Variants in TP63 observed in about 807,000 individuals in gnomAD.
The protein encoded by TP63 is tumor protein 63.
A neutral mutation model predicts 82.8 loss-of-function variants in TP63; 17 were observed. That is an observed-to-expected ratio of 0.21 (90% CI 0.14 to 0.31). The LOEUF (loss-of-function observed/expected upper bound fraction) is 0.31, where lower values mean the gene tolerates loss of function less well. TP63 is among the 10% of genes least tolerant of loss of function. The pLI is 1.00. For synonymous variants in TP63, 330 were observed against 321.7 expected, an observed-to-expected ratio of 1.03 and a Z score of -0.28; for missense variants, 648 against 895.3, an observed-to-expected ratio of 0.72 and a Z score of 3.52.
At chr3:189,869,482 C>G in intron 9 of TP63, 76 bp downstream of exon 9, 2 of 1,341,044 alleles carry the variant, frequency 1.5e-6, no homozygotes, top group Non-Finnish European at 2.1e-6. Flanking sequence ...TGATCATCAT[C>G]TCATTATCTG....
intron 1 of TP63, among the ~76,000 whole-genome samples, chr3:189,651,587 G>T (rs1183190333): frequency 6.9e-6 from 1 of 145,796 alleles, no homozygotes; most frequent in African/African-American, 2.6e-5. Flanking sequence ...ACCCATTTTG[G>T]GGGGAGAAAT....
Position 189,896,290 on chromosome 3 carries a change from T to G in TP63, c.*1788T>G. 4.6e-6 allele frequency: 1 copy of G among 215,614 alleles called. No homozygotes were observed. 13.4% of individuals were successfully genotyped at this position (215,614 alleles called of 1,614,324 possible). A position where few individuals can be genotyped will look rare whatever the true frequency, so the allele number is the denominator to read the frequency against. ...TTGCATACTTTGTATTTTGATTATTTTTTTTTTCTTCTTGGGATAGTGGGA... is the reference window on the plus strand; with the variant it reads ...TTGCATACTTTGTATTTTGATTATTGTTTTTTTCTTCTTGGGATAGTGGGA... On this transcript the variant is annotated 3_prime_UTR_variant, in exon 14 of 14. Transcript: ENST00000264731.
chr3:189,671,514 T>C (rs1236355214), intron 1 of TP63, among the ~76,000 whole-genome samples: 2 of 152,090 alleles, frequency 1.3e-5, no homozygotes, highest in Non-Finnish European at 2.9e-5. Flanking sequence ...AACTATCATA[T>C]GATCTAGTAA....
chr3:189,874,413 A>G (rs9812089), intron 10 of TP63, among the ~76,000 whole-genome samples: 83,301 of 152,064 alleles, frequency 0.55, 23,372 homozygotes, highest in Middle Eastern at 0.69. Context: ...CTCTGATAGT[A>G]AAGAAACACT....
rs150156137 is a variant in TP63, at chr3:189,852,092, G to C, written c.580-12140G>C. On this transcript the variant is annotated intron_variant, in intron 4 of 13. Coordinates refer to ENST00000264731, the MANE Select transcript of TP63 (RefSeq NM_003722.5). ...ACTCAGTTAAGACTACATGAAGGCA[G>C]AGGGAGGGAATAAAAAGAGGAGGCA... Among the ~76,000 whole-genome samples the C allele has an allele frequency of 4.1e-3, 619 of 152,330 alleles. 7 individuals are homozygous for C. Among genetic ancestry groups the C allele is most frequent in the African/African-American group, 0.014 (601 of 41,570 alleles).
chr3:189,629,713 G>A (rs1259315690), upstream of TP63, among the ~76,000 whole-genome samples: 2 of 152,134 alleles, frequency 1.3e-5, no homozygotes, highest in East Asian at 3.9e-4. Context: ...ATTTCTAGGT[G>A]CCTCACGGGC....
chr3:189,762,842 G>A (rs1722680518), intron 3 of TP63, among the ~76,000 whole-genome samples: 1 of 152,188 alleles, frequency 6.6e-6, no homozygotes, highest in Non-Finnish European at 1.5e-5. Context: ...CAGATATGAA[G>A]TCAATAAACT....
Position 189,867,955 on chromosome 3 carries a change from T to G in TP63, c.992+13T>G. 6.2e-7 allele frequency: 1 copy of G among 1,606,580 alleles called. No homozygotes were observed. Among genetic ancestry groups the G allele is most frequent in the Non-Finnish European group, 8.5e-7 (1 of 1,173,928 alleles). On this transcript the variant is annotated intron_variant, in intron 7 of 13. Transcript: ENST00000264731. ...TGGAAACCAGAGAGTAAGTGGCGTA[T>G]GTAAAATTGTCATTCTACACAAAAA...
intron 3 of TP63, among the ~76,000 whole-genome samples, chr3:189,782,278 G>A (rs7650285): frequency 0.12 from 18,032 of 152,150 alleles, 1,175 homozygotes; most frequent in East Asian, 0.32. Context: ...CCATTCAGCA[G>A]AAGAGACTAA....
intron 1 of TP63, among the ~76,000 whole-genome samples, chr3:189,709,397 CAT>C (rs1718431255): frequency 6.6e-6 from 1 of 152,072 alleles, no homozygotes; most frequent in African/African-American, 2.4e-5. Flanking sequence ...ATCCCTTCAT[CAT>C]TCTGTTGTCC....
At chr3:189,862,873 T>C (rs1167320853) in intron 4 of TP63, among the ~76,000 whole-genome samples, 1 of 152,224 alleles carries the variant, frequency 6.6e-6, no homozygotes, top group Non-Finnish European at 1.5e-5. Flanking sequence ...CTGCGTCTAA[T>C]CCATGGCCTG....
intron 3 of TP63, 91 bp from the exon 4 acceptor site, chr3:189,808,181 T>A (rs1282493439): frequency 2.5e-6 from 4 of 1,607,648 alleles, no homozygotes; most frequent in Non-Finnish European, 3.4e-6. Context: ...GGTCCATCTC[T>A]GTAGAATGCA....
At chr3:189,661,753 A>C (rs916290776) in intron 1 of TP63, among the ~76,000 whole-genome samples, 4 of 151,932 alleles carry the variant, frequency 2.6e-5, no homozygotes, top group African/African-American at 9.7e-5. Context: ...TCAGAACTCA[A>C]TATTGGCCAC....
chr3:189,632,461 T>C (rs1729521562), intron 1 of TP63, among the ~76,000 whole-genome samples: 1 of 152,084 alleles, frequency 6.6e-6, no homozygotes, highest in Admixed American at 6.6e-5. Flanking sequence ...TGTAGACTAG[T>C]AGAGTGTGAA....
At chr3:189,679,311 A>G (rs952653553) in intron 1 of TP63, among the ~76,000 whole-genome samples, 2 of 151,824 alleles carry the variant, frequency 1.3e-5, no homozygotes, top group African/African-American at 4.8e-5. Context: ...TGTATTTTTT[A>G]TAATAGCTAT....
intron 10 of TP63, among the ~76,000 whole-genome samples, chr3:189,885,310 G>A (rs920476016): frequency 2.0e-5 from 3 of 152,170 alleles, no homozygotes; most frequent in African/African-American, 7.2e-5. Flanking sequence ...TATAAGGTAG[G>A]ATGGATTATT....
At chr3:189,863,214 G>A (rs1310368132) in intron 4 of TP63, among the ~76,000 whole-genome samples, 1 of 151,132 alleles carries the variant, frequency 6.6e-6, no homozygotes, top group African/African-American at 2.4e-5. Flanking sequence ...ATGTTACTAG[G>A]TGCCCCACTC....
At chr3:189,602,586 T>C in the TP63 span, among the ~76,000 whole-genome samples, 5 of 152,148 alleles carry the variant, frequency 3.3e-5, no homozygotes, top group Non-Finnish European at 5.9e-5. Context: ...CAGTTATAAT[T>C]AAAGTATAAT....
At chr3:189,609,509 CT>C in the TP63 span, among the ~76,000 whole-genome samples, 1 of 151,956 alleles carries the variant, frequency 6.6e-6, no homozygotes, top group Non-Finnish European at 1.5e-5. Flanking sequence ...CAATAGTTAT[CT>C]TTTCTTATCC....
Sources: allele counts gnomAD v4.1 joint callset (sites outside exome capture counted in the v4.1 genomes callset), GRCh38; gene constraint gnomAD v4.1.1; transcripts MANE v1.5; gene names NCBI Gene and HGNC (gene_info 2026-07-23, HGNC 2026-07-21).